The following LRP1B variants were observed in gnomAD, a reference collection of about 807,000 sequenced individuals.
LRP1B encodes the protein LDL receptor related protein 1B, also known as low-density lipoprotein receptor-related protein 1B.
Under a neutral mutation model 556.6 loss-of-function variants are expected in LRP1B, and 217 were observed. That is an observed-to-expected ratio of 0.39 (90% CI 0.35 to 0.44). The LOEUF (loss-of-function observed/expected upper bound fraction) is 0.44. Among genes scored for constraint, LRP1B ranks in the 20% least tolerant of loss-of-function variants. The pLI is 1.00. For missense variants in LRP1B, 5,053 were observed against 5,620.8 expected (o/e 0.90, Z 3.23); for synonymous variants, 2,047 against 1,865.8 (o/e 1.10, Z -2.50).
intron 3 of LRP1B, among the ~76,000 whole-genome samples, chr2:141,356,024 A>G (rs1016883492): frequency 6.6e-6 from 1 of 152,154 alleles, no homozygotes; most frequent in Non-Finnish European, 1.5e-5. Context: ...TATTCACTTG[A>G]CCAACCTCTC....
intron 2 of LRP1B, among the ~76,000 whole-genome samples, chr2:141,484,173 C>G (rs1309542174): frequency 4.1e-5 from 6 of 147,418 alleles, no homozygotes; most frequent in African/African-American, 1.2e-4. Flanking sequence ...TTTCAGCTTT[C>G]TACATATGGC....
chr2:140,289,474 A>G (rs923478674), intron 84 of LRP1B, among the ~76,000 whole-genome samples: 5 of 152,074 alleles, frequency 3.3e-5, no homozygotes, highest in African/African-American at 1.2e-4. Context: ...TAATTCTAAT[A>G]ATCAGCATTT....
At chr2:141,218,903 C>T (rs949617111) in intron 6 of LRP1B, among the ~76,000 whole-genome samples, 1 of 152,106 alleles carries the variant, frequency 6.6e-6, no homozygotes, top group East Asian at 1.9e-4. Context: ...GGTTCTCTCA[C>T]TGGGACTGAC....
intron 7 of LRP1B, among the ~76,000 whole-genome samples, chr2:141,098,078 A>T (rs187889260): frequency 2.0e-5 from 3 of 152,198 alleles, no homozygotes; most frequent in Non-Finnish European, 4.4e-5. Context: ...TTCACACTTC[A>T]TATGATTCTT....
intron 1 of LRP1B, among the ~76,000 whole-genome samples, chr2:142,002,023 A>C (rs1326101586): frequency 6.6e-6 from 1 of 152,168 alleles, no homozygotes; most frequent in Non-Finnish European, 1.5e-5. Context: ...AATTCAACTA[A>C]AAAAGGAAAA....
chr2:141,713,868 T>G (rs943627867), intron 2 of LRP1B, among the ~76,000 whole-genome samples: 4 of 152,184 alleles, frequency 2.6e-5, no homozygotes, highest in African/African-American at 9.6e-5. Flanking sequence ...TGGATCATTC[T>G]CAATCACACA....
chr2:141,917,727 T>A (rs1700076942), intron 1 of LRP1B, among the ~76,000 whole-genome samples: 1 of 152,212 alleles, frequency 6.6e-6, no homozygotes, highest in Admixed American at 6.5e-5. Context: ...TTTGTAGCCA[T>A]CCACATTCAC....
At chr2:141,860,881 G>A (rs778857686) in intron 1 of LRP1B, among the ~76,000 whole-genome samples, 2 of 152,116 alleles carry the variant, frequency 1.3e-5, no homozygotes, top group East Asian at 3.9e-4. Context: ...ATAAATTACT[G>A]TAAGTTAAGG....
At chr2:140,558,065 G>A (rs1407761464) in intron 43 of LRP1B, among the ~76,000 whole-genome samples, 2 of 152,114 alleles carry the variant, frequency 1.3e-5, no homozygotes, top group African/African-American at 4.8e-5. Context: ...AATCCACGAT[G>A]AAATATCACC....
rs575521086 is a variant in LRP1B at position 141,790,600 on chromosome 2, T to C, written c.205+19679A>G. ...GAAAAATGTTTCTTGGCTTAAATAA[T>C]ATTTTGGAAGTTGAGTCTCCAGCAG... On this transcript the variant is annotated intron_variant, in intron 2 of 90. Coordinates refer to ENST00000389484, the MANE Select transcript of LRP1B (RefSeq NM_018557.3). Among the ~76,000 whole-genome samples the C allele has an allele frequency of 3.9e-5, 6 of 152,064 alleles. No individual in the cohort carries two copies. In the East Asian group the frequency reaches 1.2e-3, roughly 29 times the overall value.
intron 2 of LRP1B, among the ~76,000 whole-genome samples, chr2:141,490,256 C>A (rs756199544): frequency 7.9e-5 from 12 of 151,878 alleles, no homozygotes; most frequent in Non-Finnish European, 1.8e-4. Context: ...CTGCTATGAC[C>A]AAAGTACCGA....
At chr2:141,528,069 C>T (rs910576569) in intron 2 of LRP1B, among the ~76,000 whole-genome samples, 1 of 151,676 alleles carries the variant, frequency 6.6e-6, no homozygotes, top group Non-Finnish European at 1.5e-5. Context: ...TTGACTCTGC[C>T]GGCTCAGTCA....
chr2:140,573,981 T>C (rs887393308), intron 43 of LRP1B, among the ~76,000 whole-genome samples: 2 of 152,026 alleles, frequency 1.3e-5, no homozygotes, highest in Non-Finnish European at 2.9e-5. Context: ...TCTTTTACAA[T>C]AGAAAAAAAG....
chr2:141,279,181 A>T (rs1361431237), intron 3 of LRP1B, among the ~76,000 whole-genome samples: 1 of 151,892 alleles, frequency 6.6e-6, no homozygotes, highest in African/African-American at 2.4e-5. Flanking sequence ...AAACGAAGCA[A>T]AAAAAAAGGT....
At chr2:140,673,641 C>T (rs1458145870) in intron 41 of LRP1B, among the ~76,000 whole-genome samples, 2 of 152,150 alleles carry the variant, frequency 1.3e-5, no homozygotes, top group Non-Finnish European at 1.5e-5. Context: ...AAGCCATTTA[C>T]AGATTTTTAG....
chr2:140,295,553 G>A (rs543789232), intron 84 of LRP1B, among the ~76,000 whole-genome samples: 1 of 152,064 alleles, frequency 6.6e-6, no homozygotes, highest in African/African-American at 2.4e-5. Flanking sequence ...AAAATTCAAT[G>A]ATATTTAATG....
chr2:140,630,305 C>T (rs1339457008), intron 41 of LRP1B, among the ~76,000 whole-genome samples: 2 of 152,188 alleles, frequency 1.3e-5, no homozygotes, highest in Non-Finnish European at 2.9e-5. Context: ...AGACTAGTTT[C>T]AGCTCCAGCA....
chr2:142,002,213 T>C (rs908494400), intron 1 of LRP1B, among the ~76,000 whole-genome samples: 1 of 152,182 alleles, frequency 6.6e-6, no homozygotes, highest in African/African-American at 2.4e-5. Context: ...TAACCAGTAT[T>C]GATCTATTAA....
intron 11 of LRP1B, among the ~76,000 whole-genome samples, chr2:141,037,339 G>A (rs974411814): frequency 6.6e-6 from 1 of 152,040 alleles, no homozygotes; most frequent in African/African-American, 2.4e-5. Flanking sequence ...TTTTTCTCCA[G>A]ATATAAATTT....
Sources: gnomAD v4.1 joint callset for allele counts (sites outside exome capture counted in the v4.1 genomes callset) on GRCh38, gnomAD v4.1.1 for gene constraint, MANE v1.5 for transcripts, NCBI Gene and HGNC (gene_info 2026-07-23, HGNC 2026-07-21) for gene names.